Variants in DCP1A observed in about 807,000 individuals in gnomAD.
DCP1A encodes mRNA-decapping enzyme 1A.
In DCP1A, 20 loss-of-function variants were observed where a neutral mutation model predicts 58.0. The ratio of observed to expected loss-of-function variants is 0.34; its 90% CI spans 0.24 to 0.50. The LOEUF (loss-of-function observed/expected upper bound fraction) is 0.50. Among genes scored for constraint, DCP1A ranks in the 20% least tolerant of loss-of-function variants. The probability of loss-of-function intolerance (pLI) is 0.98; values close to 1 mark genes in which losing one functional copy is unlikely to be tolerated. For synonymous variants in DCP1A, 285 were observed against 275.1 expected, an observed-to-expected ratio of 1.04 and a Z score of -0.36; for missense variants, 613 against 712.2, an observed-to-expected ratio of 0.86 and a Z score of 1.59.
At chr3:53,305,996 C>T (rs1421470758) in intron 5 of DCP1A, among the ~76,000 whole-genome samples, 2 of 152,150 alleles carry the variant, frequency 1.3e-5, no homozygotes, top group Non-Finnish European at 2.9e-5. Context: ...ATCTGATGAA[C>T]ATCATCCATG....
At position 53,338,439 on chromosome 3, in the gene DCP1A, C is replaced by G. The variant is rs1387951824; in HGVS notation, c.304+3705G>C. Among the ~76,000 whole-genome samples the G allele has an allele frequency of 4.6e-5, 7 of 152,036 alleles. 1 individual carries two copies. The highest frequency in any genetic ancestry group is 2.0e-4 in the Admixed American group (3 of 15,268). ...CTTTTGAAAACAACCACCACCACCACCACCACTACCCCACAAAGATTTAAG... is the reference window on the plus strand; with the variant it reads ...CTTTTGAAAACAACCACCACCACCAGCACCACTACCCCACAAAGATTTAAG... On this transcript the variant is annotated intron_variant, in intron 3 of 9. Transcript: ENST00000610213.
intron 4 of DCP1A, among the ~76,000 whole-genome samples, chr3:53,316,814 C>T (rs1553689300): frequency 6.6e-6 from 1 of 152,036 alleles, no homozygotes; most frequent in Non-Finnish European, 1.5e-5. Flanking sequence ...TGTCCCTTTT[C>T]GGGCATTTCT....
chr3:53,329,830 A>G (rs2088953571), intron 3 of DCP1A, among the ~76,000 whole-genome samples: 1 of 152,258 alleles, frequency 6.6e-6, no homozygotes, highest in African/African-American at 2.4e-5. Flanking sequence ...ACATGAAGGA[A>G]ACATGAAAAA....
In DCP1A at chr3:53,322,116, C is replaced by CCATTATT. The variant is rs577160025; in HGVS notation, c.305-2650_305-2644dup. On this transcript the variant is annotated intron_variant, in intron 3 of 9. Transcript: ENST00000610213. Reference sequence around the variant, plus strand: ...TTATTTGTTTCACCCTGAATTAAGCCCATTATTCCACAAAAGACTTCATGG... The same window carrying CCATTATT: ...TTATTTGTTTCACCCTGAATTAAGCCCATTATTCATTATTCCACAAAAGACTTCATGG... Among the ~76,000 whole-genome samples the CCATTATT allele has an allele frequency of 1.6e-4, 24 of 152,030 alleles. No homozygotes were observed. The South Asian group carries it at 5.0e-3, about 32-fold the overall frequency.
chr3:53,330,858 T>C (rs2088986187), intron 3 of DCP1A, among the ~76,000 whole-genome samples: 1 of 13,138 alleles, frequency 7.6e-5, no homozygotes. Context: ...GTATATGTAA[T>C]TTTTTTTTTT....
chr3:53,318,756 G>A (rs1707882246), intron 4 of DCP1A, among the ~76,000 whole-genome samples: 1 of 152,148 alleles, frequency 6.6e-6, no homozygotes, highest in Admixed American at 6.5e-5. Context: ...AAATCTTCTG[G>A]AACACAACCC....
chr3:53,325,222 A>C (rs1286651662), intron 3 of DCP1A, among the ~76,000 whole-genome samples: 1 of 152,208 alleles, frequency 6.6e-6, no homozygotes, highest in Non-Finnish European at 1.5e-5. Context: ...AGAAAAGCCA[A>C]ATTAATTTGG....
intron 4 of DCP1A, among the ~76,000 whole-genome samples, chr3:53,315,737 G>GTTTTTTTTTTTTTTTTTTTTTTT (rs1559694347): frequency 8.9e-6 from 1 of 111,958 alleles, no homozygotes; most frequent in African/African-American, 3.2e-5. Flanking sequence ...GAGTAAATCA[G>GTTTTTTTTTTTTTTTTTTTTTTT]TTTGTTGTTT....
At chr3:53,294,144 G>T (rs1050502169) in intron 6 of DCP1A, among the ~76,000 whole-genome samples, 2 of 152,220 alleles carry the variant, frequency 1.3e-5, no homozygotes. Flanking sequence ...TCTGAGACAC[G>T]TTAGAGGATC....
intron 3 of DCP1A, among the ~76,000 whole-genome samples, chr3:53,331,657 G>A (rs1218272959): frequency 6.6e-6 from 1 of 151,122 alleles, no homozygotes; most frequent in Non-Finnish European, 1.5e-5. Context: ...GACATTAAGT[G>A]ACTCATGACT....
chr3:53,320,018 C>T (rs1397243934), intron 3 of DCP1A, among the ~76,000 whole-genome samples: 2 of 151,774 alleles, frequency 1.3e-5, no homozygotes. Context: ...ATCCCAGCTA[C>T]TTGGGAGGCT....
rs1706655297 is a variant in DCP1A at position 53,286,881 on chromosome 3, A to T, written c.*699T>A. Reference sequence around the variant, plus strand: ...CCAGCCTTTCCTTCAAAGGTATGACATGCCTGTGTCCACACCACCAGAGCC... The same window carrying T: ...CCAGCCTTTCCTTCAAAGGTATGACTTGCCTGTGTCCACACCACCAGAGCC... On this transcript the variant is annotated 3_prime_UTR_variant, in exon 10 of 10. Coordinates refer to ENST00000610213, the MANE Select transcript of DCP1A (RefSeq NM_018403.7). 1 of 152,250 alleles carries T rather than the reference A, an allele frequency of 6.6e-6. No individual in the cohort carries two copies. Among genetic ancestry groups the T allele is most frequent in the Non-Finnish European group, 1.5e-5 (1 of 68,058 alleles). 9.4% of individuals were successfully genotyped at this position (152,250 alleles called of 1,614,324 possible).
chr3:53,287,446 C>T lies in DCP1A; in HGVS notation c.*134G>A, dbSNP rs1706680973. 2 of 319,106 alleles carry T rather than the reference C, an allele frequency of 6.3e-6. No individual in the cohort carries two copies. The highest frequency in any genetic ancestry group is 6.9e-5 in the East Asian group (1 of 14,484). 19.8% of individuals were successfully genotyped at this position (319,106 alleles called of 1,614,324 possible). ...CTGAGAATGTCACTTGGAAAACATT[C>T]TTAAGAAATGAGTCTCTTTCTCATA... On this transcript the variant is annotated 3_prime_UTR_variant, in exon 10 of 10. Coordinates refer to ENST00000610213, the MANE Select transcript of DCP1A (RefSeq NM_018403.7).
intron 3 of DCP1A, among the ~76,000 whole-genome samples, chr3:53,339,265 C>A (rs1553692295): frequency 2.6e-5 from 4 of 152,194 alleles, no homozygotes; most frequent in Admixed American, 6.5e-5. Context: ...CCCAATACAG[C>A]TATTCCTTTA....
At chr3:53,322,562 A>C (rs987837199) in intron 3 of DCP1A, among the ~76,000 whole-genome samples, 3 of 152,038 alleles carry the variant, frequency 2.0e-5, no homozygotes, top group African/African-American at 7.2e-5. Context: ...TTATTGATAC[A>C]CACAGCAAGT....
chr3:53,325,015 T>A (rs1553690439), intron 3 of DCP1A, among the ~76,000 whole-genome samples: 1 of 151,992 alleles, frequency 6.6e-6, no homozygotes, highest in African/African-American at 2.4e-5. Flanking sequence ...CTTTTGAAAA[T>A]GTAAAAAAAA....
rs782240319 is a variant in DCP1A, at chr3:53,287,618, G to C, written c.1711C>G (p.Gln571Glu). ...FLSTLHEVYLQVLTKNKDNHN... is the reference protein window; with the variant it reads ...FLSTLHEVYLEVLTKNKDNHN... ...TTGTCTTTGTTCTTGGTCAGAACCTGCAAGTAGACTTCATGAAGTGTACTG... is the reference window on the plus strand; with the variant it reads ...TTGTCTTTGTTCTTGGTCAGAACCTCCAAGTAGACTTCATGAAGTGTACTG... The change falls in exon 10 of 10, where the codon CAG (glutamine) becomes GAG (glutamate). Residue 571 changes from glutamine (Q) to glutamate (E), a missense_variant. Physicochemically the swap from Gln to Glu is conservative, Grantham distance 29. Coordinates refer to ENST00000610213, the MANE Select transcript of DCP1A (RefSeq NM_018403.7). 27 of 1,612,162 alleles carry C rather than the reference G, an allele frequency of 1.7e-5. No homozygotes were observed. Among genetic ancestry groups the C allele is most frequent in the Admixed American group, 3.3e-5 (2 of 59,972 alleles).
intron 3 of DCP1A, among the ~76,000 whole-genome samples, chr3:53,334,555 C>T (rs1395532181): frequency 1.3e-5 from 2 of 152,008 alleles, no homozygotes; most frequent in Non-Finnish European, 2.9e-5. Flanking sequence ...ATTTATCTGC[C>T]GTCATCACAA....
intron 6 of DCP1A, among the ~76,000 whole-genome samples, chr3:53,301,701 T>C (rs1553687431): frequency 1.3e-5 from 2 of 152,196 alleles, no homozygotes; most frequent in Non-Finnish European, 2.9e-5. Context: ...AATCTAGATG[T>C]TCTTCAGTAA....
Sources: gnomAD v4.1 joint callset for allele counts (sites outside exome capture counted in the v4.1 genomes callset) on GRCh38, gnomAD v4.1.1 for gene constraint, MANE v1.5 for transcripts, NCBI Gene and HGNC (gene_info 2026-07-23, HGNC 2026-07-21) for gene names.